PLPP4: variants seen among roughly 807,000 people sequenced by gnomAD.
PLPP4 encodes diacylglycerol pyrophosphate like 2.
Under a neutral mutation model 32.2 loss-of-function variants are expected in PLPP4, and 20 were observed. The observed-to-expected ratio is 0.62, with a 90% CI of 0.44 to 0.90. The LOEUF is 0.90. Among genes scored for constraint, PLPP4 ranks in the 40% least tolerant of loss-of-function variants. The pLI, the probability that PLPP4 is intolerant of heterozygous loss-of-function variation, is 0.00. For missense variants in PLPP4, 257 were observed against 353.1 expected, an observed-to-expected ratio of 0.73 and a Z score of 2.18; for synonymous variants, 127 against 133.0, an observed-to-expected ratio of 0.95 and a Z score of 0.31.
chr10:120,506,881 A>G (rs774754379), intron 2 of PLPP4, among the ~76,000 whole-genome samples: 1 of 152,098 alleles, frequency 6.6e-6, no homozygotes, highest in Non-Finnish European at 1.5e-5. Context: ...TCCCTTGACA[A>G]CCCAGTGTTC....
chr10:120,524,001 C>T (rs183667884), intron 5 of PLPP4, among the ~76,000 whole-genome samples: 6 of 152,324 alleles, frequency 3.9e-5, no homozygotes, highest in Admixed American at 6.5e-5. Flanking sequence ...GGCTGGCTTT[C>T]GGCTGCCTTG....
chr10:120,545,900 G>A (rs878951567), intron 5 of PLPP4, among the ~76,000 whole-genome samples: 15 of 152,286 alleles, frequency 9.8e-5, no homozygotes, highest in South Asian at 8.3e-4. Context: ...AGCTGCCAGC[G>A]CGGCTAGAAT....
intron 1 of PLPP4, among the ~76,000 whole-genome samples, chr10:120,472,816 T>C (rs1848577757): frequency 6.6e-6 from 1 of 152,172 alleles, no homozygotes; most frequent in Non-Finnish European, 1.5e-5. Context: ...TTTAAGATAA[T>C]TTCTATTGAC....
chr10:120,515,727 T>C (rs957872386), intron 3 of PLPP4, among the ~76,000 whole-genome samples: 5 of 152,186 alleles, frequency 3.3e-5, no homozygotes, highest in Non-Finnish European at 7.3e-5. Flanking sequence ...CGGGCAGTGT[T>C]TGGATGGATA....
At position 120,548,077 on chromosome 10, in the gene PLPP4, C is replaced by CT. The variant is rs200017947; in HGVS notation, c.445+26991dup. Among the ~76,000 whole-genome samples, 144 of 151,266 alleles carry CT rather than the reference C, an allele frequency of 9.5e-4. 1 individual carries two copies. The East Asian group carries it at 0.023, about 24-fold the overall frequency. The stretch of plus-strand genomic sequence containing the variant: ...ATGGCAATTGTTTAAAATTGCCAAA[C>CT]TTTTTTTTTAACTTTTAGATTTAGG... On this transcript the variant is annotated intron_variant, in intron 5 of 6. Coordinates refer to ENST00000398250, the MANE Select transcript of PLPP4 (RefSeq NM_001030059.3).
At chr10:120,578,353 C>G (rs1849321164) in intron 6 of PLPP4, among the ~76,000 whole-genome samples, 1 of 152,208 alleles carries the variant, frequency 6.6e-6, no homozygotes, top group African/African-American at 2.4e-5. Context: ...CTTTGGTGAA[C>G]TGAGCTGCCC....
At chr10:120,582,016 A>C (rs761976320) in intron 6 of PLPP4, among the ~76,000 whole-genome samples, 1 of 152,172 alleles carries the variant, frequency 6.6e-6, no homozygotes, top group Non-Finnish European at 1.5e-5. Flanking sequence ...ACAATATGTA[A>C]AGGAACGTGT....
chr10:120,512,987 C>T (rs1361130747), intron 2 of PLPP4, among the ~76,000 whole-genome samples: 1 of 152,108 alleles, frequency 6.6e-6, no homozygotes, highest in Admixed American at 6.5e-5. Flanking sequence ...GACTGCTAGG[C>T]CAATTCTGGA....
intron 5 of PLPP4, among the ~76,000 whole-genome samples, chr10:120,521,534 A>G (rs868182210): frequency 6.6e-5 from 10 of 152,348 alleles, no homozygotes; most frequent in Middle Eastern, 3.4e-3. Flanking sequence ...GTATATACAT[A>G]TACTTTCCCC....
chr10:120,583,653 T>C (rs1224120511), intron 6 of PLPP4, among the ~76,000 whole-genome samples: 1 of 152,210 alleles, frequency 6.6e-6, no homozygotes, highest in Non-Finnish European at 1.5e-5. Flanking sequence ...TCTCTATGGG[T>C]TTGCCTATTC....
intron 5 of PLPP4, among the ~76,000 whole-genome samples, chr10:120,554,122 TCATGCATATGACCA>T (rs1416501426): frequency 4.6e-5 from 7 of 152,350 alleles, no homozygotes; most frequent in African/African-American, 1.4e-4. Context: ...ATCTCTTTGC[TCATGCATATGACCA>T]TATGCTGTTA....
At position 120,479,275 on chromosome 10, in the gene PLPP4, C is replaced by T. The variant is rs183124712; in HGVS notation, c.56+21914C>T. 2.2e-3 allele frequency among the ~76,000 whole-genome samples: 329 copies of T among 152,248 alleles called. 3 individuals carry two copies. The highest frequency in any genetic ancestry group is 3.7e-3 in the Non-Finnish European group (249 of 68,014). On this transcript the variant is annotated intron_variant, in intron 1 of 6. Transcript: ENST00000398250. ...CCAAAAAAAAACCTTCCCATCCCCC[C>T]TACTGCCACCAGTTTTGCCAAATCG... is the stretch of plus-strand genomic sequence containing the variant.
intron 5 of PLPP4, among the ~76,000 whole-genome samples, chr10:120,538,343 CAG>C (rs1847160989): frequency 6.6e-6 from 1 of 151,696 alleles, no homozygotes; most frequent in Non-Finnish European, 1.5e-5. Context: ...GAAAATGAAA[CAG>C]ATCATTCTAT....
intron 5 of PLPP4, among the ~76,000 whole-genome samples, chr10:120,562,219 T>C (rs529695642): frequency 3.3e-4 from 51 of 152,260 alleles, no homozygotes; most frequent in Admixed American, 1.4e-3. Context: ...TTTTTTAAAT[T>C]ACATTTCCTA....
At chr10:120,525,788 A>C (rs539168052) in intron 5 of PLPP4, among the ~76,000 whole-genome samples, 2 of 152,372 alleles carry the variant, frequency 1.3e-5, no homozygotes, top group South Asian at 4.1e-4. Flanking sequence ...GTGCTTGAGA[A>C]GTCTGACTGC....
At chr10:120,566,470 T>C (rs551125712) in intron 5 of PLPP4, among the ~76,000 whole-genome samples, 2 of 152,108 alleles carry the variant, frequency 1.3e-5, no homozygotes, top group East Asian at 1.9e-4. Context: ...TCTCTCCACA[T>C]AGCACAAAGA....
At chr10:120,498,860 A>G (rs1453118820) in intron 1 of PLPP4, among the ~76,000 whole-genome samples, 2 of 152,088 alleles carry the variant, frequency 1.3e-5, no homozygotes, top group African/African-American at 4.8e-5. Flanking sequence ...GGGTTTCGCC[A>G]TGTTGGCCAG....
chr10:120,533,882 C>T lies in PLPP4; in HGVS notation c.445+12787C>T, dbSNP rs911906320. Among the ~76,000 whole-genome samples the T allele has an allele frequency of 3.9e-5, 6 of 152,076 alleles. No homozygotes were observed. The South Asian group carries it at 1.0e-3, about 26-fold the overall frequency. Reference sequence around the variant, plus strand: ...CCTTAGTCCAATCCGACTTTGCTCCCACCCAGTTCTTTTGTGCTGCTATTA... The same window carrying T: ...CCTTAGTCCAATCCGACTTTGCTCCTACCCAGTTCTTTTGTGCTGCTATTA... On this transcript the variant is annotated intron_variant, in intron 5 of 6. Coordinates refer to ENST00000398250, the MANE Select transcript of PLPP4 (RefSeq NM_001030059.3).
intron 2 of PLPP4, among the ~76,000 whole-genome samples, chr10:120,511,916 C>A (rs1014984882): frequency 6.6e-6 from 1 of 152,054 alleles, no homozygotes; most frequent in African/African-American, 2.4e-5. Context: ...CACGGTGAAA[C>A]CCCATCTCTA....
Sources: gnomAD v4.1 joint callset for allele counts (sites outside exome capture counted in the v4.1 genomes callset) on GRCh38, gnomAD v4.1.1 for gene constraint, MANE v1.5 for transcripts, NCBI Gene and HGNC (gene_info 2026-07-23, HGNC 2026-07-21) for gene names.